ACACB: variants seen among roughly 807,000 people sequenced by gnomAD.
ACACB encodes acetyl-CoA carboxylase 2.
ACACB carries 209 observed loss-of-function variants against 278.8 expected under a neutral mutation model. The observed-to-expected ratio is 0.75, with a 90% CI of 0.67 to 0.84. The LOEUF is 0.84. Ranked by LOEUF, ACACB falls within the 40% of genes least tolerant of loss-of-function variation. The pLI, the probability that ACACB is intolerant of heterozygous loss-of-function variation, is 0.00. For missense variants in ACACB, 2,850 were observed against 3,269.0 expected, an observed-to-expected ratio of 0.87 and a Z score of 3.13; for synonymous variants, 1,174 against 1,285.6, an observed-to-expected ratio of 0.91 and a Z score of 1.86.
intron 16 of ACACB, among the ~76,000 whole-genome samples, chr12:109,195,674 G>A (rs2045097866): frequency 6.6e-6 from 1 of 152,008 alleles, no homozygotes; most frequent in Non-Finnish European, 1.5e-5. Context: ...TGCAAATGCA[G>A]TTTTACAGCT....
At position 109,191,680 on chromosome 12, in the gene ACACB, A is replaced by T. The variant is rs1483652086; in HGVS notation, c.2212A>T (p.Ile738Phe). The T allele has an allele frequency of 6.2e-7, 1 of 1,613,814 alleles. No homozygotes were observed. Among genetic ancestry groups the T allele is most frequent in the African/African-American group, 1.3e-5 (1 of 74,938 alleles). The change falls in exon 14 of 53, where the codon ATT becomes TTT. Residue 738 changes from isoleucine (I) to phenylalanine (F), a missense_variant. This residue lies in a region of ACACB where 2,265 missense variants were observed against 2,561.3 expected (regional missense o/e 0.88). Coordinates refer to ENST00000338432, the MANE Select transcript of ACACB (RefSeq NM_001093.4). ...GDFRTTVEYL[I>F]NLLETESFQN... ...CTTTAGGACTACCGTGGAATACCTC[A>T]TTAACCTCCTGGAGACCGAGAGCTT...
intron 19 of ACACB, among the ~76,000 whole-genome samples, chr12:109,204,495 G>A (rs1376369660): frequency 6.6e-6 from 1 of 151,522 alleles, no homozygotes; most frequent in Admixed American, 6.6e-5. Context: ...GGCTGATCTC[G>A]AACTCCTGAC....
chr12:109,217,006 G>A (rs2136472108), intron 24 of ACACB, 86 bp downstream of exon 24: 2 of 1,502,848 alleles, frequency 1.3e-6, no homozygotes, highest in East Asian at 2.4e-5. Context: ...AAGTGGCTGG[G>A]TGCGGTGGCT....
At chr12:109,146,560 T>C (rs2043247141) in intron 2 of ACACB, among the ~76,000 whole-genome samples, 1 of 152,132 alleles carries the variant, frequency 6.6e-6, no homozygotes, top group African/African-American at 2.4e-5. Context: ...AAACACTCTC[T>C]TTCTCCCAAC....
rs1306539304 is a variant in ACACB, at chr12:109,209,170, G to A, written c.3066G>A (p.Lys1022=). ...TGCTGTGGTCCCCGCTTCAGCTGAA[G>A]GAGTGGGTGCAGAAGCTCATGATGA... ...LPEPVFSIKL[K]EWVQKLMMTL... is the part of the protein sequence containing the mutation. Residue 1022 remains lysine (K), a synonymous_variant, in exon 21 of 53, where the codon AAG becomes AAA. Coordinates refer to ENST00000338432, the MANE Select transcript of ACACB (RefSeq NM_001093.4). The A allele has an allele frequency of 3.8e-6, 6 of 1,598,268 alleles. No homozygotes were observed. Among genetic ancestry groups the A allele is most frequent in the South Asian group, 1.1e-5 (1 of 88,512 alleles).
At chr12:109,193,800 ACC>A in intron 16 of ACACB, 71 bp downstream of exon 16, 1 of 1,378,904 alleles carries the variant, frequency 7.3e-7, no homozygotes, top group Non-Finnish European at 1.0e-6. Context: ...TCTTCCATGA[ACC>A]ATCCCTGGAG....
chr12:109,246,028 T>C, intron 38 of ACACB, 151 bp from the exon 39 acceptor site: 1 of 993,416 alleles, frequency 1.0e-6, no homozygotes, highest in Non-Finnish European at 1.4e-6. Context: ...AAGTTGAGGC[T>C]GCAATGAGCT....
intron 11 of ACACB, among the ~76,000 whole-genome samples, chr12:109,182,477 C>T (rs2136233303): frequency 6.6e-6 from 1 of 152,306 alleles, no homozygotes; most frequent in East Asian, 1.9e-4. Flanking sequence ...AAGCGATTCT[C>T]CCACATCAAC....
At chr12:109,209,783 GTATC>G (rs1309922984) in intron 21 of ACACB, among the ~76,000 whole-genome samples, 1 of 148,036 alleles carries the variant, frequency 6.8e-6, no homozygotes, top group Non-Finnish European at 1.5e-5. Context: ...GTGTGTGTGT[GTATC>G]TGTGTGTATA....
intron 19 of ACACB, among the ~76,000 whole-genome samples, chr12:109,202,444 A>T (rs2045365103): frequency 6.6e-6 from 1 of 152,018 alleles, no homozygotes; most frequent in Non-Finnish European, 1.5e-5. Flanking sequence ...CCTCCTGAGT[A>T]GCTGGGGATT....
chr12:109,242,707 G>A, intron 37 of ACACB, 115 bp downstream of exon 37: 1 of 1,308,252 alleles, frequency 7.6e-7, no homozygotes, highest in Non-Finnish European at 1.1e-6. Flanking sequence ...ACAAGGTCTT[G>A]CCAGGTGCGG....
At chr12:109,229,356 C>T (rs1315159543) in intron 28 of ACACB, among the ~76,000 whole-genome samples, 1 of 152,096 alleles carries the variant, frequency 6.6e-6, no homozygotes, top group African/African-American at 2.4e-5. Context: ...GCTGCTTGTG[C>T]ACGTGGAGTG....
At chr12:109,114,689 A>AT (rs1272197588), upstream of ACACB, among the ~76,000 whole-genome samples, 2 of 151,740 alleles carry the variant, frequency 1.3e-5, no homozygotes, top group African/African-American at 4.8e-5. Context: ...AAAAAAAAAA[A>AT]ATTTTTTTTT....
At chr12:109,265,994 G>A (rs2047508041) in intron 52 of ACACB, among the ~76,000 whole-genome samples, 1 of 152,258 alleles carries the variant, frequency 6.6e-6, no homozygotes, top group South Asian at 2.1e-4. Flanking sequence ...ACTCAAGGCA[G>A]TGTCTTGTCT....
intron 24 of ACACB, among the ~76,000 whole-genome samples, chr12:109,221,228 C>T (rs966488167): frequency 2.0e-5 from 3 of 152,064 alleles, no homozygotes; most frequent in Admixed American, 6.6e-5. Context: ...AAATCAGTCT[C>T]GGTTCATTAT....
chr12:109,177,115 A>C (rs1397040203), intron 9 of ACACB, among the ~76,000 whole-genome samples: 1 of 152,220 alleles, frequency 6.6e-6, no homozygotes, highest in Admixed American at 6.5e-5. Flanking sequence ...AGCTGTATTC[A>C]GTCTACACGA....
intron 20 of ACACB, among the ~76,000 whole-genome samples, chr12:109,208,679 G>A (rs1245828471): frequency 6.6e-6 from 1 of 152,182 alleles, no homozygotes; most frequent in African/African-American, 2.4e-5. Context: ...CAGAGTCTCA[G>A]GAGCTGAATA....
rs1428278047 is a variant in ACACB at position 109,235,370 on chromosome 12, G to T, written c.4404+1G>T. 1 of 1,613,418 alleles carries T rather than the reference G, an allele frequency of 6.2e-7. No individual in the cohort carries two copies. The highest frequency in any genetic ancestry group is 8.5e-7 in the Non-Finnish European group (1 of 1,179,364). ...AATCACATTCTTGATTGCCCAAGAG[G>T]TTAGTTCACAGTTCATCTCTATGAG... On this transcript the variant is annotated splice_donor_variant, in intron 32 of 52. Coordinates refer to ENST00000338432, the MANE Select transcript of ACACB (RefSeq NM_001093.4). LOFTEE classifies it high-confidence loss of function.
chr12:109,197,712 G>T (rs1180460569), intron 17 of ACACB, among the ~76,000 whole-genome samples: 1 of 152,096 alleles, frequency 6.6e-6, no homozygotes, highest in Non-Finnish European at 1.5e-5. Context: ...AGGCCCCAAA[G>T]ATGCCCCGCC....
Sources: gnomAD v4.1 joint callset for allele counts (sites outside exome capture counted in the v4.1 genomes callset) on GRCh38, gnomAD v4.1.1 for gene constraint, gnomAD v4.1.1 regional missense constraint, MANE v1.5 for transcripts, NCBI Gene and HGNC (gene_info 2026-07-23, HGNC 2026-07-21) for gene names.